Variants in TPST1 observed in about 807,000 individuals in gnomAD.
TPST1 encodes tyrosylprotein sulfotransferase 1.
A neutral mutation model predicts 34.8 loss-of-function variants in TPST1; 20 were observed. The observed-to-expected ratio is 0.57, with a 90% CI of 0.40 to 0.84. The LOEUF is 0.84. Among genes scored for constraint, TPST1 ranks in the 40% least tolerant of loss-of-function variants. TPST1 has a pLI of 0.00. For missense variants in TPST1, 353 were observed against 455.5 expected (o/e 0.78, Z 2.05); for synonymous variants, 152 against 159.4 (o/e 0.95, Z 0.35).
chr7:66,333,988 G>A (rs1726218670), intron 3 of TPST1, among the ~76,000 whole-genome samples: 1 of 152,178 alleles, frequency 6.6e-6, no homozygotes, highest in Admixed American at 6.5e-5. Context: ...CATTTGGAAG[G>A]TAACTTAATG....
At chr7:66,235,183 G>T (rs781765450) in intron 1 of TPST1, among the ~76,000 whole-genome samples, 1 of 134,940 alleles carries the variant, frequency 7.4e-6, no homozygotes, top group African/African-American at 2.6e-5. Flanking sequence ...GTTCTGCATA[G>T]ATTTTTTTTT....
chr7:66,310,707 G>C (rs1410835472), intron 3 of TPST1, among the ~76,000 whole-genome samples: 1 of 152,138 alleles, frequency 6.6e-6, no homozygotes, highest in Non-Finnish European at 1.5e-5. Flanking sequence ...CTGGGCTGTA[G>C]TAGGAATATT....
intron 2 of TPST1, among the ~76,000 whole-genome samples, chr7:66,263,110 TAAAAAATA>T (rs545254622): frequency 6.7e-5 from 10 of 149,822 alleles, no homozygotes; most frequent in South Asian, 2.1e-4. Context: ...CATAAAAAAA[TAAAAAATA>T]AAAAAATAAA....
chr7:66,359,839 A>G, intron 5 of TPST1, 56 bp from the exon 6 acceptor site: 1 of 455,728 alleles, frequency 2.2e-6, no homozygotes. Flanking sequence ...ACGAAGACAC[A>G]GGGAGAACAC....
chr7:66,267,363 T>C (rs1790612471), intron 2 of TPST1, among the ~76,000 whole-genome samples: 1 of 152,172 alleles, frequency 6.6e-6, no homozygotes, highest in Admixed American at 6.5e-5. Flanking sequence ...TATTTCACGC[T>C]GGAGGACCAG....
intron 1 of TPST1, among the ~76,000 whole-genome samples, chr7:66,215,848 C>T (rs1182665008): frequency 6.8e-6 from 1 of 146,518 alleles, no homozygotes; most frequent in African/African-American, 2.5e-5. Flanking sequence ...TCTCGGCTCA[C>T]TGCAAGCTCC....
chr7:66,266,798 C>T (rs1271865826), intron 2 of TPST1, among the ~76,000 whole-genome samples: 6 of 152,136 alleles, frequency 3.9e-5, no homozygotes, highest in African/African-American at 1.4e-4. Flanking sequence ...CTGTAGGTTT[C>T]CATTTATATG....
At chr7:66,352,358 C>G in intron 3 of TPST1, 147 bp from the exon 4 acceptor site, 1 of 1,458,566 alleles carries the variant, frequency 6.9e-7, no homozygotes, top group South Asian at 1.6e-5. Context: ...TGCCCACTGG[C>G]TGCTCTTGAA....
At chr7:66,217,109 CA>C (rs1789438634) in intron 1 of TPST1, among the ~76,000 whole-genome samples, 1 of 152,136 alleles carries the variant, frequency 6.6e-6, no homozygotes, top group African/African-American at 2.4e-5. Flanking sequence ...GAAAGCCTAA[CA>C]CATGGTCTAT....
At chr7:66,230,401 G>A in intron 1 of TPST1, among the ~76,000 whole-genome samples, 1 of 152,226 alleles carries the variant, frequency 6.6e-6, no homozygotes, top group East Asian at 1.9e-4. Flanking sequence ...CCCTCGCGGT[G>A]AGCGTTAAGC....
chr7:66,352,680 G>A (rs947239219), intron 4 of TPST1, 125 bp downstream of exon 4: 5 of 1,518,806 alleles, frequency 3.3e-6, no homozygotes, highest in Admixed American at 5.1e-5. Context: ...AGAAGAAAAG[G>A]GATAGTGATA....
At chr7:66,223,524 G>T (rs917147787) in intron 1 of TPST1, among the ~76,000 whole-genome samples, 2 of 148,326 alleles carry the variant, frequency 1.3e-5, no homozygotes, top group Non-Finnish European at 3.0e-5. Flanking sequence ...TTGAGTTACC[G>T]AATAAGAATA....
chr7:66,292,751 A>G (rs1195133894), intron 3 of TPST1, among the ~76,000 whole-genome samples: 1 of 143,418 alleles, frequency 7.0e-6, no homozygotes, highest in South Asian at 2.3e-4. Flanking sequence ...GCCTGCGCCC[A>G]CTGTCTGGCA....
At chr7:66,347,060 T>C (rs1351657991) in intron 3 of TPST1, among the ~76,000 whole-genome samples, 1 of 14,808 alleles carries the variant, frequency 6.8e-5, no homozygotes, top group Non-Finnish European at 1.2e-4. Flanking sequence ...TTTGCTTTTC[T>C]TTTTTTTTTT....
intron 2 of TPST1, among the ~76,000 whole-genome samples, chr7:66,266,071 T>C (rs1321516703): frequency 6.6e-6 from 1 of 152,144 alleles, no homozygotes; most frequent in African/African-American, 2.4e-5. Context: ...ATGGGTCAAG[T>C]TAACTACATC....
intron 4 of TPST1, among the ~76,000 whole-genome samples, chr7:66,354,152 A>G (rs903820680): frequency 2.0e-5 from 3 of 152,190 alleles, no homozygotes; most frequent in Admixed American, 6.5e-5. Context: ...TGATTTATCC[A>G]GAAGAATCCG....
chr7:66,344,840 C>T (rs983663483), intron 3 of TPST1, among the ~76,000 whole-genome samples: 18 of 151,420 alleles, frequency 1.2e-4, no homozygotes, highest in African/African-American at 4.4e-4. Flanking sequence ...TCTTCTGCCT[C>T]AGCCTCCCTA....
chr7:66,269,444 A>G (rs935792162), intron 2 of TPST1, among the ~76,000 whole-genome samples: 9 of 152,250 alleles, frequency 5.9e-5, no homozygotes, highest in African/African-American at 2.2e-4. Flanking sequence ...ATAGTTCACT[A>G]CTAGAAAAAT....
Position 66,241,119 on chromosome 7 carries a change from A to G in TPST1, c.694A>G (p.Lys232Glu). Residue 232 changes from lysine to glutamate, a missense_variant, in exon 2 of 6, where the codon AAA becomes GAA. Physicochemically the swap from Lys to Glu is moderately conservative, Grantham distance 56. Transcript: ENST00000304842. ...TAACCAGTGTATGGAGGTTGGTTAT[A>G]AAAAGTGCATGTTGGTTCACTATGA... The part of the protein sequence containing the change: ...MYNQCMEVGY[K>E]KCMLVHYEQL... 1 of 1,614,198 alleles carries G rather than the reference A, an allele frequency of 6.2e-7. No homozygotes were observed. The highest frequency in any genetic ancestry group is 8.5e-7 in the Non-Finnish European group (1 of 1,180,028).
Sources: gnomAD v4.1 joint callset for allele counts (sites outside exome capture counted in the v4.1 genomes callset) on GRCh38, gnomAD v4.1.1 for gene constraint, MANE v1.5 for transcripts, NCBI Gene and HGNC (gene_info 2026-07-23, HGNC 2026-07-21) for gene names.